PCDH15: variants seen among roughly 807,000 people sequenced by gnomAD.
The protein encoded by PCDH15 is protocadherin related 15, also known as protocadherin-15.
Under a neutral mutation model 178.5 loss-of-function variants are expected in PCDH15, and 129 were observed. The observed-to-expected ratio is 0.72, with a 90% CI of 0.63 to 0.84. The LOEUF (loss-of-function observed/expected upper bound fraction) is 0.84. Among genes scored for constraint, PCDH15 ranks in the 40% least tolerant of loss-of-function variants. The pLI, the probability that PCDH15 is intolerant of heterozygous loss-of-function variation, is 0.00. For synonymous variants in PCDH15, 800 were observed against 732.0 expected (o/e 1.09, Z -1.50); for missense variants, 2,230 against 2,099.9 (o/e 1.06, Z -1.21).
At chr10:54,317,176 G>C in intron 8 of PCDH15, 95 bp downstream of exon 8, 1 of 1,342,956 alleles carries the variant, frequency 7.4e-7, no homozygotes, top group Non-Finnish European at 1.1e-6. Context: ...ACTGAGTTTT[G>C]CTATTATAAA....
intron 32 of PCDH15, chr10:53,825,187 A>G (rs2076596998): frequency 2.0e-6 from 3 of 1,515,430 alleles, no homozygotes; most frequent in Non-Finnish European, 2.6e-6. Context: ...ATAGAAAAAA[A>G]GAAGTTTTTA....
At chr10:55,101,678 G>A (rs1411273450) in intron 2 of PCDH15, among the ~76,000 whole-genome samples, 1 of 151,340 alleles carries the variant, frequency 6.6e-6, no homozygotes, top group Non-Finnish European at 1.5e-5. Flanking sequence ...GATTATCAGA[G>A]TTTAGATCAT....
At chr10:55,359,144 T>G (rs1845155419) in intron 2 of PCDH15, among the ~76,000 whole-genome samples, 1 of 151,862 alleles carries the variant, frequency 6.6e-6, no homozygotes, top group South Asian at 2.1e-4. Context: ...CTGCTGTGAG[T>G]TAGGGTGGCA....
At chr10:53,847,467 T>A (rs1452610393) in intron 28 of PCDH15, among the ~76,000 whole-genome samples, 1 of 152,070 alleles carries the variant, frequency 6.6e-6, no homozygotes, top group Non-Finnish European at 1.5e-5. Context: ...CCACAGGGAC[T>A]CTACCCAGAC....
intron 2 of PCDH15, among the ~76,000 whole-genome samples, chr10:55,122,529 A>G (rs948336775): frequency 2.0e-5 from 3 of 152,146 alleles, no homozygotes; most frequent in Non-Finnish European, 2.9e-5. Context: ...GGCACAATAT[A>G]AGATTAGGCA....
At chr10:54,427,269 G>GTTTC (rs1956386875) in intron 3 of PCDH15, among the ~76,000 whole-genome samples, 1 of 56,760 alleles carries the variant, frequency 1.8e-5, no homozygotes, top group Non-Finnish European at 3.4e-5. Flanking sequence ...TCTTTTTCTG[G>GTTTC]TTTTTTTTTT....
At chr10:54,274,215 A>T (rs1003104229) in intron 8 of PCDH15, among the ~76,000 whole-genome samples, 1 of 151,998 alleles carries the variant, frequency 6.6e-6, no homozygotes, top group Non-Finnish European at 1.5e-5. Flanking sequence ...GTGATGAAAT[A>T]ATCTGTACAA....
chr10:54,821,376 T>C (rs559598449), intron 3 of PCDH15, among the ~76,000 whole-genome samples: 1 of 152,092 alleles, frequency 6.6e-6, no homozygotes, highest in South Asian at 2.1e-4. Flanking sequence ...CCCATTGTTG[T>C]AGGGGCTAAC....
chr10:55,620,134 T>C (rs1280222329), intron 2 of PCDH15, among the ~76,000 whole-genome samples: 4 of 152,076 alleles, frequency 2.6e-5, no homozygotes, highest in Non-Finnish European at 5.9e-5. Context: ...AAATAGGATG[T>C]TTAAAAATGG....
At chr10:54,812,366 G>A (rs563102154) in intron 3 of PCDH15, among the ~76,000 whole-genome samples, 1 of 151,552 alleles carries the variant, frequency 6.6e-6, no homozygotes, top group East Asian at 1.9e-4. Context: ...TGCCTCCTGG[G>A]TTCAAGCGAT....
chr10:53,820,847 T>TTTA (rs2076234978), intron 32 of PCDH15, among the ~76,000 whole-genome samples: 1 of 152,024 alleles, frequency 6.6e-6, no homozygotes, highest in African/African-American at 2.4e-5. Flanking sequence ...AGTATACAGT[T>TTTA]TTATTTTCTT....
intron 35 of PCDH15, among the ~76,000 whole-genome samples, chr10:53,812,968 A>AT (rs1353022453): frequency 6.6e-5 from 10 of 152,218 alleles, no homozygotes; most frequent in Non-Finnish European, 1.5e-4. Flanking sequence ...TGCATGATTG[A>AT]TATGGATAAA....
At chr10:54,381,510 A>G (rs1357529168) in intron 3 of PCDH15, among the ~76,000 whole-genome samples, 1 of 152,072 alleles carries the variant, frequency 6.6e-6, no homozygotes, top group Non-Finnish European at 1.5e-5. Flanking sequence ...GTTTCATTTG[A>G]TGTTTAAATG....
At chr10:54,600,506 T>C (rs956893510) in intron 2 of PCDH15, 4 of 574,990 alleles carry the variant, frequency 7.0e-6, no homozygotes, top group Non-Finnish European at 1.4e-5. Context: ...ACCAAAATAG[T>C]AGAAAAAATC....
rs368289262 is a variant in PCDH15, at chr10:54,070,450, C to T, written c.2092-3565G>A. On this transcript the variant is annotated intron_variant, in intron 17 of 37. Transcript: ENST00000644397. ...AACTCCTGACCTCAAACAATCTGTC[C>T]GCCTTGGCCTATCAAAGTGCTGGGA... Among the ~76,000 whole-genome samples, 7 of 152,312 alleles carry T rather than the reference C, an allele frequency of 4.6e-5. No homozygotes were observed. In the South Asian group the frequency reaches 8.3e-4, roughly 18 times the overall value.
chr10:55,624,032 A>T (rs1837468529), intron 2 of PCDH15, among the ~76,000 whole-genome samples: 1 of 152,072 alleles, frequency 6.6e-6, no homozygotes, highest in Non-Finnish European at 1.5e-5. Flanking sequence ...ATTTTTTTAC[A>T]TAGAAATTGA....
At chr10:54,756,720 AAGAGAGAG>A (rs61202887) in intron 1 of PCDH15, among the ~76,000 whole-genome samples, 2 of 150,756 alleles carry the variant, frequency 1.3e-5, no homozygotes, top group Non-Finnish European at 1.5e-5. Context: ...ATGTATGTGA[AAGAGAGAG>A]AGAGAGAGAG....
chr10:55,548,914 C>T (rs1185736476), intron 2 of PCDH15, among the ~76,000 whole-genome samples: 1 of 151,900 alleles, frequency 6.6e-6, no homozygotes, highest in Non-Finnish European at 1.5e-5. Flanking sequence ...AGATAAAGTG[C>T]TTTAAAAAAG....
At chr10:54,609,186 T>C (rs953409477) in intron 2 of PCDH15, among the ~76,000 whole-genome samples, 1 of 152,072 alleles carries the variant, frequency 6.6e-6, no homozygotes, top group East Asian at 1.9e-4. Flanking sequence ...TTTTTAAAAA[T>C]GAAAATTTTT....
Sources: gnomAD v4.1 joint callset for allele counts (sites outside exome capture counted in the v4.1 genomes callset) on GRCh38, gnomAD v4.1.1 for gene constraint, MANE v1.5 for transcripts, NCBI Gene and HGNC (gene_info 2026-07-23, HGNC 2026-07-21) for gene names.